CSMD3: variants seen among roughly 807,000 people sequenced by gnomAD.
CSMD3 encodes CUB and sushi domain-containing protein 3.
CSMD3 carries 177 observed loss-of-function variants against 435.2 expected under a neutral mutation model. That is an observed-to-expected ratio of 0.41 (90% CI 0.36 to 0.46). The LOEUF (loss-of-function observed/expected upper bound fraction) is 0.46. Among genes scored for constraint, CSMD3 ranks in the 20% least tolerant of loss-of-function variants. CSMD3 has a pLI of 0.34. For missense variants in CSMD3, 4,265 were observed against 4,504.6 expected (o/e 0.95, Z 1.52); for synonymous variants, 1,656 against 1,520.5 (o/e 1.09, Z -2.07).
At chr8:112,919,637 G>C (rs911372484) in intron 10 of CSMD3, among the ~76,000 whole-genome samples, 1 of 151,638 alleles carries the variant, frequency 6.6e-6, no homozygotes, top group Non-Finnish European at 1.5e-5. Context: ...ATTGAAGTAG[G>C]ATATTTGAAA....
intron 1 of CSMD3, among the ~76,000 whole-genome samples, chr8:113,406,398 G>A (rs182712659): frequency 6.6e-6 from 1 of 152,028 alleles, no homozygotes; most frequent in Non-Finnish European, 1.5e-5. Flanking sequence ...ATGTTAATGA[G>A]ATTAGTTAGA....
chr8:112,501,089 CTG>C (rs919340700), intron 30 of CSMD3, among the ~76,000 whole-genome samples: 5 of 151,846 alleles, frequency 3.3e-5, no homozygotes, highest in Non-Finnish European at 7.4e-5. Context: ...ACAGAGAGAG[CTG>C]TCCTCCTTTG....
chr8:112,870,435 AT>A (rs2081101402), intron 10 of CSMD3, among the ~76,000 whole-genome samples: 3 of 150,058 alleles, frequency 2.0e-5, no homozygotes, highest in African/African-American at 4.9e-5. Context: ...CATCCGGCTA[AT>A]TTTTTGCATT....
intron 5 of CSMD3, among the ~76,000 whole-genome samples, chr8:113,065,162 C>A (rs950906023): frequency 1.3e-5 from 2 of 152,010 alleles, no homozygotes; most frequent in African/African-American, 4.8e-5. Context: ...ATTGTACTAA[C>A]CTATATTATT....
chr8:112,798,320 G>T (rs754332455), intron 13 of CSMD3, among the ~76,000 whole-genome samples: 2 of 151,714 alleles, frequency 1.3e-5, no homozygotes, highest in African/African-American at 2.4e-5. Context: ...AAAGCTGGAG[G>T]AAATGATGTA....
intron 38 of CSMD3, among the ~76,000 whole-genome samples, chr8:112,358,323 AG>A (rs1403527115): frequency 6.6e-6 from 1 of 152,098 alleles, no homozygotes; most frequent in Non-Finnish European, 1.5e-5. Flanking sequence ...GTCTTGAATT[AG>A]ACTTTGGACT....
intron 5 of CSMD3, among the ~76,000 whole-genome samples, chr8:113,043,174 C>T (rs1388168827): frequency 2.0e-5 from 3 of 152,148 alleles, no homozygotes; most frequent in Non-Finnish European, 2.9e-5. Context: ...ATAGGTCACC[C>T]TTAAATACAA....
At chr8:112,436,038 A>T (rs1307533177) in intron 32 of CSMD3, among the ~76,000 whole-genome samples, 2 of 151,938 alleles carry the variant, frequency 1.3e-5, no homozygotes, top group African/African-American at 2.4e-5. Context: ...CACTCTCCCA[A>T]ATGACTTCCA....
rs1166637905 is a variant in CSMD3, at chr8:112,223,048, TAA to T, written c.*1721_*1722del. ...CTTTACAAAAGTGTATGCATTAATA[TAA>T]GAGGAGTAGCCAGTTGCAGAAGAAA... On this transcript the variant is annotated 3_prime_UTR_variant, in exon 71 of 71. Coordinates refer to ENST00000297405, the MANE Select transcript of CSMD3 (RefSeq NM_198123.2). The T allele has an allele frequency of 2.5e-6, 1 of 398,448 alleles. No homozygotes were observed. Among genetic ancestry groups the T allele is most frequent in the African/African-American group, 2.1e-5 (1 of 48,616 alleles). 24.7% of individuals were successfully genotyped at this position (398,448 alleles called of 1,614,324 possible). A position where few individuals can be genotyped will look rare whatever the true frequency, so the allele number is the denominator to read the frequency against.
In CSMD3 at chr8:113,012,149, T is replaced by C. The variant is rs181747330; in HGVS notation, c.1030+6918A>G. Among the ~76,000 whole-genome samples, 895 of 151,932 alleles carry C rather than the reference T, an allele frequency of 5.9e-3. 5 individuals carry two copies. The highest frequency in any genetic ancestry group is 0.019 in the African/African-American group (808 of 41,492). On this transcript the variant is annotated intron_variant, in intron 6 of 70. Transcript: ENST00000297405. ...AAAATTCTGTTCTCTTAAAACTCAG[T>C]AAATAAAAGTAGCTCTCTTACTTCA...
chr8:112,608,517 C>T (rs1399148935), intron 22 of CSMD3, among the ~76,000 whole-genome samples: 2 of 152,024 alleles, frequency 1.3e-5, no homozygotes, highest in Non-Finnish European at 2.9e-5. Flanking sequence ...ATCATACTTC[C>T]TGGTTTCAAA....
chr8:113,397,706 T>C (rs573221761), intron 1 of CSMD3, among the ~76,000 whole-genome samples: 3 of 151,910 alleles, frequency 2.0e-5, no homozygotes, highest in African/African-American at 4.8e-5. Context: ...TAGTCCCAGC[T>C]ACTCGGGAGG....
chr8:113,184,463 C>T (rs1022970612), intron 3 of CSMD3, among the ~76,000 whole-genome samples: 1 of 151,956 alleles, frequency 6.6e-6, no homozygotes, highest in East Asian at 2.0e-4. Flanking sequence ...ACCTGCCAAC[C>T]ATCAATCAAT....
At chr8:113,274,023 G>T (rs1170205604) in intron 3 of CSMD3, among the ~76,000 whole-genome samples, 1 of 151,938 alleles carries the variant, frequency 6.6e-6, no homozygotes, top group East Asian at 1.9e-4. Context: ...AAAATGTAAA[G>T]AATTTGATAG....
At chr8:112,436,385 A>C (rs1209921764) in intron 32 of CSMD3, among the ~76,000 whole-genome samples, 1 of 151,908 alleles carries the variant, frequency 6.6e-6, no homozygotes, top group Non-Finnish European at 1.5e-5. Context: ...GGACAAAGAC[A>C]TGAGGTATAC....
At chr8:112,905,722 C>A (rs147989334) in intron 10 of CSMD3, among the ~76,000 whole-genome samples, 1 of 151,370 alleles carries the variant, frequency 6.6e-6, no homozygotes, top group African/African-American at 2.4e-5. Context: ...AACTGGGGCT[C>A]AGCAAAGTGG....
At chr8:113,392,116 A>C in intron 1 of CSMD3, among the ~76,000 whole-genome samples, 1 of 152,118 alleles carries the variant, frequency 6.6e-6, no homozygotes, top group East Asian at 1.9e-4. Context: ...ACAACAAATT[A>C]TCATTAGTTT....
chr8:112,410,026 A>G (rs1832193851), intron 32 of CSMD3, among the ~76,000 whole-genome samples: 1 of 151,956 alleles, frequency 6.6e-6, no homozygotes, highest in Non-Finnish European at 1.5e-5. Context: ...ATACAAATAT[A>G]TTTTTCAAAT....
intron 32 of CSMD3, among the ~76,000 whole-genome samples, chr8:112,441,481 C>T (rs1815010439): frequency 6.6e-6 from 1 of 152,154 alleles, no homozygotes; most frequent in Admixed American, 6.6e-5. Flanking sequence ...TTATCCAGTT[C>T]CAAAGTCACT....
Sources: allele counts gnomAD v4.1 joint callset (sites outside exome capture counted in the v4.1 genomes callset), GRCh38; gene constraint gnomAD v4.1.1; transcripts MANE v1.5; gene names NCBI Gene and HGNC (gene_info 2026-07-23, HGNC 2026-07-21).